FAM227B: variants seen among roughly 807,000 people sequenced by gnomAD.
The protein encoded by FAM227B is family with sequence similarity 227 member B.
Under a neutral mutation model 73.8 loss-of-function variants are expected in FAM227B, and 88 were observed. The observed-to-expected ratio is 1.19, with a 90% CI of 1.00 to 1.42. The LOEUF (loss-of-function observed/expected upper bound fraction) is 1.42, where lower values mean the gene tolerates loss of function less well. FAM227B is among the 40% of genes most tolerant of loss of function. FAM227B has a pLI of 0.00. For synonymous variants in FAM227B, 210 were observed against 190.5 expected, an observed-to-expected ratio of 1.10 and a Z score of -0.84; for missense variants, 632 against 590.9, an observed-to-expected ratio of 1.07 and a Z score of -0.72.
chr15:49,438,936 G>A (rs947070977), intron 11 of FAM227B, among the ~76,000 whole-genome samples: 2 of 151,284 alleles, frequency 1.3e-5, no homozygotes, highest in Non-Finnish European at 3.0e-5. Flanking sequence ...ATCTATTGTT[G>A]CATAACAAGT....
chr15:49,388,398 A>G (rs2047008220), intron 11 of FAM227B, among the ~76,000 whole-genome samples: 1 of 151,482 alleles, frequency 6.6e-6, no homozygotes, highest in African/African-American at 2.4e-5. Flanking sequence ...ATCATTTATT[A>G]CATTAAATGG....
intron 9 of FAM227B, among the ~76,000 whole-genome samples, chr15:49,550,949 G>T (rs1463112506): frequency 6.6e-6 from 1 of 152,200 alleles, no homozygotes; most frequent in African/African-American, 2.4e-5. Context: ...GGTGGAGGTT[G>T]TAGCGAGCCG....
chr15:49,428,396 A>G (rs962156132), intron 11 of FAM227B, among the ~76,000 whole-genome samples: 1 of 152,048 alleles, frequency 6.6e-6, no homozygotes, highest in African/African-American at 2.4e-5. Context: ...CAGAAGAAGA[A>G]GAGCATTGAG....
chr15:49,345,942 G>A (rs1015142704), intron 13 of FAM227B, among the ~76,000 whole-genome samples: 1 of 152,048 alleles, frequency 6.6e-6, no homozygotes, highest in East Asian at 1.9e-4. Context: ...AATGGCCCAG[G>A]GGCAAATTTC....
chr15:49,444,930 T>G (rs2052044124), intron 11 of FAM227B, among the ~76,000 whole-genome samples: 1 of 151,676 alleles, frequency 6.6e-6, no homozygotes, highest in South Asian at 2.1e-4. Context: ...AAGCTTTGTG[T>G]GTAAACTTAA....
In FAM227B at chr15:49,327,846, G is replaced by C. The variant is rs2037786533; in HGVS notation, c.*722C>G. On this transcript the variant is annotated 3_prime_UTR_variant, in exon 16 of 16. Coordinates refer to ENST00000299338, the MANE Select transcript of FAM227B (RefSeq NM_152647.3). ...TTGATGACACCTAAAAACCCCGCAT[G>C]TATTTTCTTCTTAGAACTTAGATAG... 6 of 1,044,420 alleles carry C rather than the reference G, an allele frequency of 5.7e-6. No individual in the cohort carries two copies. The South Asian group carries it at 9.2e-5, about 16-fold the overall frequency. The allele number at this position is 1,044,420 out of a possible 1,614,324, so 64.7% of individuals were successfully genotyped here.
At chr15:49,354,726 G>A (rs1203517338) in intron 13 of FAM227B, among the ~76,000 whole-genome samples, 1 of 152,182 alleles carries the variant, frequency 6.6e-6, no homozygotes, top group Non-Finnish European at 1.5e-5. Context: ...CTCGAACTGG[G>A]TGGAGCCCAC....
intron 11 of FAM227B, among the ~76,000 whole-genome samples, chr15:49,397,264 G>T (rs576312570): frequency 6.6e-6 from 1 of 152,236 alleles, no homozygotes; most frequent in East Asian, 1.9e-4. Context: ...AAGATGAAAT[G>T]AATGAAATGA....
intron 11 of FAM227B, chr15:49,483,102 T>C (rs770578610): frequency 1.9e-6 from 2 of 1,045,950 alleles, no homozygotes; most frequent in East Asian, 2.4e-5. Flanking sequence ...CGTGGATCAT[T>C]TGCAAAACTG....
At chr15:49,372,712 T>A (rs2045925299) in intron 11 of FAM227B, among the ~76,000 whole-genome samples, 1 of 152,142 alleles carries the variant, frequency 6.6e-6, no homozygotes, top group African/African-American at 2.4e-5. Context: ...TATCTTAACA[T>A]CTGAGAAAAA....
At chr15:49,527,809 A>T (rs2060313105) in intron 10 of FAM227B, among the ~76,000 whole-genome samples, 1 of 151,902 alleles carries the variant, frequency 6.6e-6, no homozygotes, top group South Asian at 2.1e-4. Flanking sequence ...AAAGTGAAAG[A>T]TCTCTACAAA....
At chr15:49,459,440 G>A (rs1294340185) in intron 11 of FAM227B, among the ~76,000 whole-genome samples, 1 of 151,942 alleles carries the variant, frequency 6.6e-6, no homozygotes, top group African/African-American at 2.4e-5. Context: ...TTGCAGTGCT[G>A]TTTTCTTTCT....
In FAM227B at chr15:49,588,191, T is replaced by C. The variant is rs1344259313; in HGVS notation, c.338-108A>G. The C allele has an allele frequency of 3.3e-5, 21 of 627,934 alleles. No individual in the cohort carries two copies. In the Admixed American group the frequency reaches 7.0e-4, roughly 21 times the overall value. The allele number at this position is 627,934 out of a possible 1,614,324, so 38.9% of individuals were successfully genotyped here. On this transcript the variant is annotated intron_variant, in intron 4 of 15. Coordinates refer to ENST00000299338, the MANE Select transcript of FAM227B (RefSeq NM_152647.3). The stretch of plus-strand genomic sequence containing the variant: ...ACAAATTATATACAAAATTATTCAA[T>C]GAAATCAATTAGCAATTGTGATAAG...
chr15:49,490,965 A>G (rs556998732), intron 11 of FAM227B, among the ~76,000 whole-genome samples: 2 of 152,090 alleles, frequency 1.3e-5, no homozygotes, highest in South Asian at 4.1e-4. Flanking sequence ...TCTTAGGACG[A>G]TTACAGGAAA....
Position 49,588,547 on chromosome 15 carries a change from CTATATATATATATATATATATATATATA to C in FAM227B, c.338-492_338-465del, listed in dbSNP as rs71120695. Among the ~76,000 whole-genome samples the C allele has an allele frequency of 3.0e-3, 113 of 38,054 alleles. 1 individual carries two copies. The East Asian group carries it at 0.036, about 12-fold the overall frequency. The allele number at this position is 38,054 out of a possible 152,430, so 25.0% of individuals were successfully genotyped here. On this transcript the variant is annotated intron_variant, in intron 4 of 15. Transcript: ENST00000299338. Reference sequence around the variant, plus strand: ...AGTTCTGATATCTACATATTGAGGACTATATATATATATATATATATATATATATATATATATATATATATATATATAT... The same window carrying C: ...AGTTCTGATATCTACATATTGAGGACTATATATATATATATATATATATAT...
intron 15 of FAM227B, 178 bp downstream of exon 15, chr15:49,331,602 T>C (rs1361339705): frequency 1.8e-6 from 1 of 549,352 alleles, no homozygotes; most frequent in Non-Finnish European, 3.2e-6. Context: ...GAGTTGTCAC[T>C]AAATATGTAA....
chr15:49,396,149 C>A (rs565208977), intron 11 of FAM227B: 8 of 359,132 alleles, frequency 2.2e-5, no homozygotes, highest in Non-Finnish European at 4.4e-5. Flanking sequence ...TCACCGTGTG[C>A]GAGCCGAAGC....
intron 13 of FAM227B, among the ~76,000 whole-genome samples, chr15:49,336,730 AG>A (rs2039780363): frequency 6.6e-6 from 1 of 152,132 alleles, no homozygotes; most frequent in African/African-American, 2.4e-5. Context: ...TTTTAGATCC[AG>A]GGGTTACATG....
intron 9 of FAM227B, among the ~76,000 whole-genome samples, chr15:49,545,537 G>C (rs563334996): frequency 6.6e-6 from 1 of 152,088 alleles, no homozygotes; most frequent in South Asian, 2.1e-4. Flanking sequence ...GCTGGGTTTG[G>C]GATTGGTTTG....
Sources: gnomAD v4.1 joint callset for allele counts (sites outside exome capture counted in the v4.1 genomes callset) on GRCh38, gnomAD v4.1.1 for gene constraint, MANE v1.5 for transcripts, NCBI Gene and HGNC (gene_info 2026-07-23, HGNC 2026-07-21) for gene names.